The following PRRC2A variants were observed in gnomAD, a reference collection of about 807,000 sequenced individuals.
The protein encoded by PRRC2A is protein PRRC2A.
Under a neutral mutation model 224.6 loss-of-function variants are expected in PRRC2A, and 59 were observed. The ratio of observed to expected loss-of-function variants is 0.26; its 90% CI spans 0.21 to 0.33. The LOEUF is 0.33. Among genes scored for constraint, PRRC2A ranks in the 10% least tolerant of loss-of-function variants. The pLI, the probability that PRRC2A is intolerant of heterozygous loss-of-function variation, is 1.00. For missense variants in PRRC2A, 3,095 were observed against 2,880.7 expected, an observed-to-expected ratio of 1.07 and a Z score of -1.70; for synonymous variants, 1,194 against 1,109.5, an observed-to-expected ratio of 1.08 and a Z score of -1.51.
At position 31,623,756 on chromosome 6, in the gene PRRC2A, G is replaced by C; in HGVS notation, c.137G>C (p.Ser46Thr). The change falls in exon 3 of 31, where the codon AGT (serine) becomes ACT (threonine). Residue 46 changes from serine to threonine, a missense_variant. Ser to Thr is a moderately conservative substitution (Grantham distance 58, BLOSUM62 1). This residue lies in a region of PRRC2A where 64 missense variants were observed against 68.2 expected (regional missense o/e 0.94). Transcript: ENST00000376033. ...GTTGCCCCTCGCCATGGCCTGCAGA[G>C]TCTCGGGAAAGTTGCCATTGCCCGG... ...PAVAPRHGLQSLGKVAIARRM... is the reference protein window; with the variant it reads ...PAVAPRHGLQTLGKVAIARRM... 1 of 1,614,222 alleles carries C rather than the reference G, an allele frequency of 6.2e-7. No homozygotes were observed. The highest frequency in any genetic ancestry group is 8.5e-7 in the Non-Finnish European group (1 of 1,180,024).
Position 31,634,499 on chromosome 6 carries a change from G to A in PRRC2A, c.4877G>A (p.Ser1626Asn). ...ACTAGCCGAAAGAGTTACCGGCCCA[G>A]CTCCATGGAGCCTTGGATGGAGCCC... Reference protein sequence around the residue: ...TATSRKSYRPSSMEPWMEPLS... With the variant: ...TATSRKSYRPNSMEPWMEPLS... The change falls in exon 20 of 31, where the codon AGC (serine) becomes AAC (asparagine). Residue 1626 changes from serine to asparagine, a missense_variant. By Grantham distance (46) the Ser-to-Asn change is conservative (BLOSUM62 1). Transcript: ENST00000376033. 7 of 1,612,944 alleles carry A rather than the reference G, an allele frequency of 4.3e-6. No individual in the cohort carries two copies. Among genetic ancestry groups the A allele is most frequent in the Non-Finnish European group, 5.9e-6 (7 of 1,179,974 alleles).
chr6:31,635,014 G>C (rs536700403), intron 21 of PRRC2A, 37 bp downstream of exon 21: 84 of 1,604,234 alleles, frequency 5.2e-5, no homozygotes, highest in Non-Finnish European at 6.8e-5. Context: ...AATGTTTCCA[G>C]GAATCTGACT....
At position 31,634,949 on chromosome 6, in the gene PRRC2A, C is replaced by G. The variant is rs1429250902; in HGVS notation, c.5132C>G (p.Pro1711Arg). ...GGCTCTGAACCTCCTAGGAGACCAC[C>G]ACCTGCCCCCCACGATGGGGACAGA... is the stretch of plus-strand genomic sequence containing the variant. The part of the protein sequence containing the change: ...PPGSEPPRRP[P>R]PAPHDGDRKE... Residue 1711 changes from proline to arginine, a missense_variant, in exon 21 of 31, where the codon CCA (proline) becomes CGA (arginine). Around this residue, in one of 8 missense-constraint regions of PRRC2A, gnomAD observed 662 missense variants for 609.5 expected, o/e 1.09. Coordinates refer to ENST00000376033, the MANE Select transcript of PRRC2A (RefSeq NM_004638.4). 6.2e-7 allele frequency: 1 copy of G among 1,612,764 alleles called. No homozygotes were observed. Among genetic ancestry groups the G allele is most frequent in the East Asian group, 2.2e-5 (1 of 44,884 alleles).
rs1776013455 is a variant in PRRC2A at position 31,627,204 on chromosome 6, T to C, written c.1290+6T>C. 2 of 1,576,272 alleles carry C rather than the reference T, an allele frequency of 1.3e-6. No homozygotes were observed. The highest frequency in any genetic ancestry group is 1.7e-5 in the Admixed American group (1 of 59,088). ...GCCCCCCTGGGGACTACCCAGTGAG[T>C]GTCTCCAATAAGGGATTGAGAGGGT... On this transcript the variant is annotated splice_donor_region_variant and intron_variant, in intron 11 of 30. Transcript: ENST00000376033. The surrounding 1 kb of genome is among the most constrained non-coding windows in gnomAD (Gnocchi z 5.6).
rs1431548423 is a variant in PRRC2A, at chr6:31,634,465, TCTC to T, written c.4850-5_4850-3del. ...ACTTCTCTTCTGGTTGGTGCTCCCT[TCTC>T]CAGCCACTAGCCGAAAGAGTTACCG... On this transcript the variant is annotated splice_polypyrimidine_tract_variant and splice_region_variant and intron_variant, in intron 19 of 30. Transcript: ENST00000376033. 8 of 1,612,160 alleles carry T rather than the reference TCTC, an allele frequency of 5.0e-6. No homozygotes were observed. The highest frequency in any genetic ancestry group is 6.8e-6 in the Non-Finnish European group (8 of 1,179,820).
Position 31,626,048 on chromosome 6 carries a change from G to A in PRRC2A, c.868G>A (p.Gly290Ser), listed in dbSNP as rs1364281989. The A allele has an allele frequency of 1.9e-6, 3 of 1,610,948 alleles. No individual in the cohort carries two copies. The highest frequency in any genetic ancestry group is 2.2e-5 in the South Asian group (2 of 90,696). Residue 290 changes from glycine to serine, a missense_variant, in exon 9 of 31, where the codon GGC (glycine) becomes AGC (serine). Coordinates refer to ENST00000376033, the MANE Select transcript of PRRC2A (RefSeq NM_004638.4). ...TTTTCCCCGTGTGGCGGGCCCCCGAGGCTCAGGGCCACCAATGCGCTTAGT... is the reference window on the plus strand; with the variant it reads ...TTTTCCCCGTGTGGCGGGCCCCCGAAGCTCAGGGCCACCAATGCGCTTAGT... ...SRFPRVAGPR[G>S]SGPPMRLVEP...
chr6:31,622,956 A>G, intron 2 of PRRC2A, 55 bp downstream of exon 2: 3 of 1,419,332 alleles, frequency 2.1e-6, no homozygotes, highest in Non-Finnish European at 3.0e-6. Flanking sequence ...TGCATGGGGC[A>G]TACGTTTTAG....
At chr6:31,633,358 C>G in intron 16 of PRRC2A, 21 bp from the exon 17 acceptor site, 1 of 1,606,168 alleles carries the variant, frequency 6.2e-7, no homozygotes, top group Non-Finnish European at 8.5e-7. Context: ...GATACTGGAG[C>G]TAATGCTCTG....
intron 12 of PRRC2A, 34 bp downstream of exon 12, chr6:31,628,273 A>G: frequency 6.3e-7 from 1 of 1,580,792 alleles, no homozygotes; most frequent in South Asian, 1.1e-5. Context: ...ACCAGATGTC[A>G]GATCACTGCT....
rs954597669 is a variant in PRRC2A, at chr6:31,636,214, A to T, written c.5630A>T (p.Gln1877Leu). ...TCCCCACAATTTATTTTCAGATCAC[A>T]GCCCCTATACCTACCCCCCGGCCCA... ...GTPSLHPYRSQPLYLPPGPAP... is the reference protein window; with the variant it reads ...GTPSLHPYRSLPLYLPPGPAP... The change falls in exon 26 of 31, where the codon CAG (glutamine) becomes CTG (leucine). Residue 1877 changes from glutamine (Q) to leucine (L), a missense_variant. Around this residue, in one of 8 missense-constraint regions of PRRC2A, gnomAD observed 662 missense variants for 609.5 expected, o/e 1.09. Transcript: ENST00000376033. The surrounding 1 kb of genome is among the most constrained non-coding windows in gnomAD (Gnocchi z 4.3). 1.9e-5 allele frequency: 31 copies of T among 1,612,192 alleles called. No homozygotes were observed. The highest frequency in any genetic ancestry group is 2.5e-5 in the Non-Finnish European group (30 of 1,178,898).
chr6:31,623,024 C>A (rs1775470652), intron 2 of PRRC2A, 123 bp downstream of exon 2: 2 of 866,262 alleles, frequency 2.3e-6, no homozygotes, highest in Admixed American at 1.8e-5. Context: ...GGAGATTTCC[C>A]AACTTTACAC....
chr6:31,634,883 G>C lies in PRRC2A; in HGVS notation c.5066G>C (p.Gly1689Ala). 6.2e-7 allele frequency: 1 copy of C among 1,612,994 alleles called. No homozygotes were observed. The highest frequency in any genetic ancestry group is 8.5e-7 in the Non-Finnish European group (1 of 1,180,006). ...GAGGGACCCCCCAAGAGGCCTGGAG[G>C]CTCCTCACCCCTGAATGCTGTTCCT... ...AAEGPPKRPG[G>A]SSPLNAVPCE... The change falls in exon 21 of 31, where the codon GGC (glycine) becomes GCC (alanine). Residue 1689 changes from glycine to alanine, a missense_variant. Coordinates refer to ENST00000376033, the MANE Select transcript of PRRC2A (RefSeq NM_004638.4).
intron 2 of PRRC2A, chr6:31,623,322 C>A (rs1191106842): frequency 4.9e-6 from 2 of 409,262 alleles, no homozygotes; most frequent in African/African-American, 5.1e-5. Flanking sequence ...GGCTGGAGTG[C>A]AATGGTGTGA....
Position 31,637,459 on chromosome 6 carries a change from A to C in PRRC2A, c.6347A>C (p.Asp2116Ala). ...CCTGTCCCCTAGGCCTCCCCACCAG[A>C]TGCCCTGCGCTGGATACCTAAGCCT... ...VDLYQQASPP[D>A]ALRWIPKPWE... is the part of the protein sequence containing the mutation. The change falls in exon 31 of 31, where the codon GAT becomes GCT. Residue 2116 changes from aspartate (D) to alanine (A), a missense_variant. Transcript: ENST00000376033. 6.3e-7 allele frequency: 1 copy of C among 1,577,590 alleles called. No individual in the cohort carries two copies. The highest frequency in any genetic ancestry group is 8.6e-7 in the Non-Finnish European group (1 of 1,159,320).
intron 10 of PRRC2A, 56 bp downstream of exon 10, chr6:31,626,918 A>G (rs906989400): frequency 6.2e-7 from 1 of 1,612,970 alleles, no homozygotes; most frequent in South Asian, 1.1e-5. Context: ...TATTTTGGTA[A>G]TATACTCTTA....
Position 31,633,619 on chromosome 6 carries a change from C to G in PRRC2A, c.4560C>G (p.Pro1520=), listed in dbSNP as rs1429350267. 6.2e-7 allele frequency: 1 copy of G among 1,612,142 alleles called. No individual in the cohort carries two copies. The highest frequency in any genetic ancestry group is 8.5e-7 in the Non-Finnish European group (1 of 1,179,550). Residue 1520 remains proline (P), a synonymous_variant, in exon 17 of 31, where the codon CCC becomes CCG. Coordinates refer to ENST00000376033, the MANE Select transcript of PRRC2A (RefSeq NM_004638.4). The part of the protein sequence containing the change: ...PSPRPPTRYE[P]QRVNSGLSSD... ...CTAGGCCCCCAACCCGATACGAGCCCCAGAGGGTCAACAGCGGCCTCAGTT... is the reference window on the plus strand; with the variant it reads ...CTAGGCCCCCAACCCGATACGAGCCGCAGAGGGTCAACAGCGGCCTCAGTT...
intron 12 of PRRC2A, 63 bp downstream of exon 12, chr6:31,628,302 C>T: frequency 6.5e-7 from 1 of 1,533,656 alleles, no homozygotes; most frequent in African/African-American, 1.4e-5. Flanking sequence ...CTTAAAGGTG[C>T]AGGGTGGTAA....
chr6:31,636,182 G>A lies in PRRC2A; in HGVS notation c.5625-27G>A. 2 of 1,602,810 alleles carry A rather than the reference G, an allele frequency of 1.2e-6. No individual in the cohort carries two copies. The highest frequency in any genetic ancestry group is 1.7e-5 in the Admixed American group (1 of 59,982). On this transcript the variant is annotated intron_variant, in intron 25 of 30. Coordinates refer to ENST00000376033, the MANE Select transcript of PRRC2A (RefSeq NM_004638.4). This position sits in a 1 kb window ranked among gnomAD's most constrained non-coding sequence, Gnocchi z 4.3. ...TTGCTAGGACTCTGGCTTCCTAACA[G>A]CTTTTCTCCCCACAATTTATTTTCA...
At chr6:31,630,484 G>A (rs1452217355) in intron 14 of PRRC2A, 107 bp from the exon 15 acceptor site, 5 of 1,133,794 alleles carry the variant, frequency 4.4e-6, no homozygotes, top group Non-Finnish European at 6.4e-6. Flanking sequence ...GGACCTACTG[G>A]GAACAAGAGA....
Sources: allele counts gnomAD v4.1 joint callset, GRCh38; gene constraint gnomAD v4.1.1; regional missense constraint gnomAD v4.1.1; non-coding constraint Gnocchi (gnomAD v3.1); transcripts MANE v1.5; gene names NCBI Gene and HGNC (gene_info 2026-07-23, HGNC 2026-07-21).